Variants in PRELID2 observed in about 807,000 individuals in gnomAD.
PRELID2 encodes PRELI domain-containing protein 2.
Under a neutral mutation model 28.4 loss-of-function variants are expected in PRELID2, and 25 were observed. The observed-to-expected ratio is 0.88, with a 90% CI of 0.64 to 1.23. The LOEUF is 1.23. Ranked by LOEUF, PRELID2 falls within the 50% of genes most tolerant of loss-of-function variation. The pLI, the probability that PRELID2 is intolerant of heterozygous loss-of-function variation, is 0.00. For missense variants in PRELID2, 201 were observed against 214.4 expected, an observed-to-expected ratio of 0.94 and a Z score of 0.39; for synonymous variants, 76 against 71.6, an observed-to-expected ratio of 1.06 and a Z score of -0.31.
At chr5:145,476,917 T>C (rs1192060713) in intron 1 of PRELID2, among the ~76,000 whole-genome samples, 1 of 152,166 alleles carries the variant, frequency 6.6e-6, no homozygotes, top group Non-Finnish European at 1.5e-5. Flanking sequence ...TAATAAACAT[T>C]GAATAAAATG....
At chr5:145,519,340 C>T (rs923987113) in intron 1 of PRELID2, among the ~76,000 whole-genome samples, 1 of 152,084 alleles carries the variant, frequency 6.6e-6, no homozygotes, top group African/African-American at 2.4e-5. Context: ...GTGTTAGACA[C>T]AATGTTTTAT....
the PRELID2 span, among the ~76,000 whole-genome samples, chr5:145,438,814 A>C: frequency 1.3e-5 from 2 of 152,092 alleles, no homozygotes; most frequent in Admixed American, 6.5e-5. Context: ...GAAAATCTCT[A>C]GTTCTTTGTG....
intron 1 of PRELID2, among the ~76,000 whole-genome samples, chr5:145,626,415 G>GA (rs939361944): frequency 3.9e-5 from 6 of 151,990 alleles, no homozygotes; most frequent in Admixed American, 3.3e-4. Flanking sequence ...CAACAAACAT[G>GA]AAAAAATACA....
chr5:145,333,142 A>C, the PRELID2 span, among the ~76,000 whole-genome samples: 1 of 152,146 alleles, frequency 6.6e-6, no homozygotes, highest in Non-Finnish European at 1.5e-5. Flanking sequence ...TCCTCTGGAA[A>C]CTTCATCCCA....
At chr5:145,355,378 A>G in the PRELID2 span, among the ~76,000 whole-genome samples, 3 of 152,046 alleles carry the variant, frequency 2.0e-5, no homozygotes, top group Non-Finnish European at 4.4e-5. Flanking sequence ...TTTTTTAAGA[A>G]TTTTTTCTCT....
chr5:145,806,106 C>T (rs1016262145), intron 4 of PRELID2, among the ~76,000 whole-genome samples: 3 of 152,094 alleles, frequency 2.0e-5, no homozygotes, highest in African/African-American at 7.2e-5. Context: ...CTAGGCTACA[C>T]TAAATTTATT....
chr5:145,365,110 C>T, the PRELID2 span, among the ~76,000 whole-genome samples: 1 of 151,772 alleles, frequency 6.6e-6, no homozygotes, highest in Non-Finnish European at 1.5e-5. Flanking sequence ...CTGGGGGATT[C>T]AAGTGAATGG....
intron 5 of PRELID2, among the ~76,000 whole-genome samples, chr5:145,766,968 T>C (rs1432001663): frequency 2.0e-5 from 3 of 152,138 alleles, no homozygotes; most frequent in Non-Finnish European, 4.4e-5. Context: ...GTAACATACT[T>C]CATGTTGATA....
intron 1 of PRELID2, among the ~76,000 whole-genome samples, chr5:145,483,258 T>C (rs1399283972): frequency 6.6e-6 from 1 of 152,076 alleles, no homozygotes; most frequent in Non-Finnish European, 1.5e-5. Flanking sequence ...GCTCAAGCAG[T>C]AGAATTAGAC....
chr5:145,321,388 T>C, the PRELID2 span, among the ~76,000 whole-genome samples: 1 of 152,172 alleles, frequency 6.6e-6, no homozygotes, highest in Admixed American at 6.5e-5. Context: ...GATTACACTA[T>C]AGAAACCAAC....
the PRELID2 span, among the ~76,000 whole-genome samples, chr5:145,250,593 G>C: frequency 4.6e-5 from 7 of 152,152 alleles, no homozygotes; most frequent in Admixed American, 2.0e-4. Flanking sequence ...GGTACCAAGA[G>C]ACTTAGATAG....
At chr5:145,313,509 T>C in the PRELID2 span, among the ~76,000 whole-genome samples, 14 of 151,798 alleles carry the variant, frequency 9.2e-5, no homozygotes, top group Middle Eastern at 3.4e-3. Context: ...GCAAAAACTT[T>C]TCCTGCATCT....
chr5:145,426,795 T>C, the PRELID2 span, among the ~76,000 whole-genome samples: 7 of 152,198 alleles, frequency 4.6e-5, no homozygotes, highest in Non-Finnish European at 8.8e-5. Flanking sequence ...AAGTCCACTG[T>C]ACCACCTTGA....
At chr5:145,739,160 T>C (rs879329388) in intron 1 of PRELID2, among the ~76,000 whole-genome samples, 21 of 152,146 alleles carry the variant, frequency 1.4e-4, no homozygotes, top group Non-Finnish European at 5.9e-5. Context: ...CAGACTACCC[T>C]AAAAGAATGG....
chr5:145,499,073 C>T (rs1580959477), intron 1 of PRELID2, among the ~76,000 whole-genome samples: 3 of 152,178 alleles, frequency 2.0e-5, no homozygotes, highest in Admixed American at 2.0e-4. Context: ...CATAGCAAGA[C>T]TCCATCACTA....
chr5:145,529,835 T>A (rs906656737), intron 1 of PRELID2, among the ~76,000 whole-genome samples: 1 of 152,200 alleles, frequency 6.6e-6, no homozygotes, highest in Non-Finnish European at 1.5e-5. Context: ...TGTTAGTATA[T>A]CTGAGAAATG....
intron 1 of PRELID2, among the ~76,000 whole-genome samples, chr5:145,709,579 A>AT (rs1429834786): frequency 1.3e-5 from 2 of 151,368 alleles, no homozygotes; most frequent in African/African-American, 4.9e-5. Context: ...CTTGATCTGT[A>AT]TTTAAAAAAA....
At chr5:145,815,908 A>C (rs1012694429) in intron 4 of PRELID2, among the ~76,000 whole-genome samples, 2 of 151,966 alleles carry the variant, frequency 1.3e-5, no homozygotes, top group Non-Finnish European at 2.9e-5. Context: ...TTTTTCTTGT[A>C]GTATCTAGGA....
At chr5:145,397,172 T>A in the PRELID2 span, among the ~76,000 whole-genome samples, 1 of 152,048 alleles carries the variant, frequency 6.6e-6, no homozygotes, top group South Asian at 2.1e-4. Context: ...TGTTATTAGA[T>A]CTCAGGTCCA....
Sources: allele counts gnomAD v4.1 joint callset (sites outside exome capture counted in the v4.1 genomes callset), GRCh38; gene constraint gnomAD v4.1.1; transcripts MANE v1.5; gene names NCBI Gene and HGNC (gene_info 2026-07-23, HGNC 2026-07-21).